CCDC175: variants seen among roughly 807,000 people sequenced by gnomAD.
The protein encoded by CCDC175 is coiled-coil domain-containing protein 175.
A neutral mutation model predicts 114.6 loss-of-function variants in CCDC175; 100 were observed. That is an observed-to-expected ratio of 0.87 (90% confidence interval 0.74 to 1.03). CCDC175 has a LOEUF of 1.03. CCDC175 is among the 50% of genes least tolerant of loss of function. The pLI is 0.00. For missense variants in CCDC175, 880 were observed against 917.8 expected (o/e 0.96, Z 0.53); for synonymous variants, 306 against 308.7 (o/e 0.99, Z 0.09).
In CCDC175 at chr14:59,527,180, A is replaced by G. The variant is rs1893794993; in HGVS notation, c.1763-6T>C. 1 of 1,429,138 alleles carries G rather than the reference A, an allele frequency of 7.0e-7. No homozygotes were observed. The highest frequency in any genetic ancestry group is 9.2e-7 in the Non-Finnish European group (1 of 1,083,974). The allele number at this position is 1,429,138 out of a possible 1,614,324, so 88.5% of individuals were successfully genotyped here. ...ATCTTCCTCCTGTCTTTGTGCTATT[A>G]AAACAAAGAAAAAAATAACTACCTC... On this transcript the variant is annotated splice_polypyrimidine_tract_variant and splice_region_variant and intron_variant, in intron 14 of 19. Transcript: ENST00000537690.
In CCDC175 at chr14:59,513,244, G is replaced by A. The variant is rs112118165; in HGVS notation, c.2099-1441C>T. Among the ~76,000 whole-genome samples the A allele has an allele frequency of 2.1e-3, 324 of 152,296 alleles. 1 individual carries two copies. Among genetic ancestry groups the A allele is most frequent in the African/African-American group, 6.9e-3 (287 of 41,568 alleles). ...GTCTACAGCTCCCAACGTCAGCGAC[G>A]CAGAAGACGGGTGATTTCTGCATTT... On this transcript the variant is annotated intron_variant, in intron 17 of 19. Coordinates refer to ENST00000537690, the MANE Select transcript of CCDC175 (RefSeq NM_001164399.2).
At chr14:59,506,946 T>A (rs187216921) in intron 19 of CCDC175, among the ~76,000 whole-genome samples, 1 of 132,488 alleles carries the variant, frequency 7.5e-6, no homozygotes, top group Admixed American at 7.2e-5. Flanking sequence ...CCTAACATAA[T>A]ATATGATGTA....
At chr14:59,508,104 A>G (rs1892529627) in intron 19 of CCDC175, among the ~76,000 whole-genome samples, 1 of 152,004 alleles carries the variant, frequency 6.6e-6, no homozygotes, top group Non-Finnish European at 1.5e-5. Flanking sequence ...GCTGGCGGAC[A>G]ATCACCCCCG....
chr14:59,559,203 C>T (rs957454382), intron 7 of CCDC175, among the ~76,000 whole-genome samples: 13 of 152,112 alleles, frequency 8.5e-5, no homozygotes, highest in Admixed American at 2.6e-4. Flanking sequence ...TTATATACAA[C>T]ATTTAACTTT....
Position 59,563,827 on chromosome 14 carries a change from C to T in CCDC175, c.753G>A (p.Lys251=), listed in dbSNP as rs1160914450. Residue 251 remains lysine (K), a synonymous_variant, in exon 6 of 20, where the codon AAG becomes AAA. Transcript: ENST00000537690. ...INEFENTREV[K]RMETYQKKKE... ...TCTTCTTTTGATAAGTCTCCATTCTCTTTACTTCACGGGTATTTTCAAATT... is the reference window on the plus strand; with the variant it reads ...TCTTCTTTTGATAAGTCTCCATTCTTTTTACTTCACGGGTATTTTCAAATT... 2.1e-6 allele frequency: 3 copies of T among 1,440,732 alleles called. No individual in the cohort carries two copies. The highest frequency in any genetic ancestry group is 2.7e-6 in the Non-Finnish European group (3 of 1,101,062). The allele number at this position is 1,440,732 out of a possible 1,614,324, so 89.2% of individuals were successfully genotyped here.
chr14:59,554,793 G>A (rs1305934172), intron 7 of CCDC175, among the ~76,000 whole-genome samples: 1 of 152,086 alleles, frequency 6.6e-6, no homozygotes, highest in Non-Finnish European at 1.5e-5. Context: ...TATCACCACC[G>A]ATCCCACAGA....
chr14:59,564,089 T>G (rs1343555939), intron 5 of CCDC175, among the ~76,000 whole-genome samples: 3 of 152,124 alleles, frequency 2.0e-5, no homozygotes, highest in African/African-American at 7.2e-5. Context: ...AATATTGAAA[T>G]AGTAAATTTG....
chr14:59,566,452 C>T (rs1294580992), intron 4 of CCDC175, among the ~76,000 whole-genome samples: 1 of 152,138 alleles, frequency 6.6e-6, no homozygotes, highest in Non-Finnish European at 1.5e-5. Context: ...AGTTTGCTTT[C>T]AGAGGTCAAA....
At position 59,538,131 on chromosome 14, in the gene CCDC175, G is replaced by T; in HGVS notation, c.1515C>A (p.Ile505=). The change falls in exon 13 of 20, where the codon ATC becomes ATA. Residue 505 remains isoleucine (I), a synonymous_variant. Coordinates refer to ENST00000537690, the MANE Select transcript of CCDC175 (RefSeq NM_001164399.2). ...TTTCAATCTGTGCCACAAATCCACTGATCTCCTGTTGTCTGAAACTGGTCT... is the reference window on the plus strand; with the variant it reads ...TTTCAATCTGTGCCACAAATCCACTTATCTCCTGTTGTCTGAAACTGGTCT... ...LNETSFRQQE[I]SGFVAQIEKL... 1 of 1,534,342 alleles carries T rather than the reference G, an allele frequency of 6.5e-7. No homozygotes were observed.
intron 13 of CCDC175, among the ~76,000 whole-genome samples, chr14:59,534,504 T>G (rs1894278662): frequency 6.6e-6 from 1 of 152,200 alleles, no homozygotes; most frequent in Non-Finnish European, 1.5e-5. Context: ...CCTGCTGACT[T>G]CAGGCCCCAG....
intron 8 of CCDC175, among the ~76,000 whole-genome samples, chr14:59,546,193 T>C (rs1895098330): frequency 6.6e-6 from 1 of 152,196 alleles, no homozygotes. Flanking sequence ...GAGGCCATTA[T>C]CCTAAGTGGA....
intron 17 of CCDC175, among the ~76,000 whole-genome samples, chr14:59,517,946 C>A (rs1893199958): frequency 6.6e-6 from 1 of 152,168 alleles, no homozygotes; most frequent in Non-Finnish European, 1.5e-5. Flanking sequence ...GTAACCAAGA[C>A]AGCATGGTAC....
intron 13 of CCDC175, among the ~76,000 whole-genome samples, chr14:59,534,748 G>A (rs563770012): frequency 1.4e-4 from 21 of 152,116 alleles, no homozygotes; most frequent in Non-Finnish European, 2.5e-4. Context: ...GATTTACAAC[G>A]GAGGGTCCGG....
In CCDC175 at chr14:59,531,871, C is replaced by A. The variant is rs1183029322; in HGVS notation, c.1663G>T (p.Glu555Ter). ...GGAAGATACTCAACTAGTTCTTCTT[C>A]CTTTTCTTTGTTAATTTGTGTTTCC... ...VKETQINKEK[E>*]EELVEYLPQL... The change falls in exon 14 of 20, where the codon GAA becomes TAA. Residue 555 changes from glutamate to a stop codon, truncating the protein, a stop_gained. Transcript: ENST00000537690. LOFTEE classifies it high-confidence loss of function. The A allele has an allele frequency of 3.1e-6, 4 of 1,294,462 alleles. No homozygotes were observed. The highest frequency in any genetic ancestry group is 4.3e-6 in the Non-Finnish European group (4 of 933,650). 80.2% of individuals were successfully genotyped at this position (1,294,462 alleles called of 1,614,324 possible).
chr14:59,527,375 T>C (rs1462540623), intron 14 of CCDC175, among the ~76,000 whole-genome samples: 1 of 152,154 alleles, frequency 6.6e-6, no homozygotes, highest in Non-Finnish European at 1.5e-5. Context: ...TGTTTCCTCT[T>C]CCATTTAGCT....
At chr14:59,522,217 A>AAT (rs1225889305) in intron 16 of CCDC175, among the ~76,000 whole-genome samples, 4 of 152,206 alleles carry the variant, frequency 2.6e-5, no homozygotes, top group Non-Finnish European at 1.5e-5. Context: ...CAGAAACTCT[A>AAT]AAGTCCCAGG....
intron 7 of CCDC175, among the ~76,000 whole-genome samples, chr14:59,557,599 A>G (rs963334677): frequency 1.3e-5 from 2 of 149,850 alleles, no homozygotes; most frequent in African/African-American, 4.9e-5. Context: ...CATGTACTCT[A>G]GAACTTAAAG....
At chr14:59,524,048 T>C (rs1394700299) in intron 16 of CCDC175, among the ~76,000 whole-genome samples, 2 of 151,954 alleles carry the variant, frequency 1.3e-5, no homozygotes, top group East Asian at 3.8e-4. Context: ...GTTATTCCCA[T>C]TTTAAGAGGC....
intron 17 of CCDC175, among the ~76,000 whole-genome samples, chr14:59,520,488 T>A (rs1216405715): frequency 6.6e-6 from 1 of 152,192 alleles, no homozygotes; most frequent in African/African-American, 2.4e-5. Context: ...AATTCAGCAA[T>A]TCCATTATAG....
Sources: allele counts gnomAD v4.1 joint callset (sites outside exome capture counted in the v4.1 genomes callset), GRCh38; gene constraint gnomAD v4.1.1; transcripts MANE v1.5; gene names NCBI Gene and HGNC (gene_info 2026-07-23, HGNC 2026-07-21).